NCOR2: variants seen among roughly 807,000 people sequenced by gnomAD.
The protein encoded by NCOR2 is nuclear receptor corepressor 2, also known as CTG repeat protein 26.
In NCOR2, 81 loss-of-function variants were observed where a neutral mutation model predicts 262.9. The observed-to-expected ratio is 0.31, with a 90% confidence interval of 0.26 to 0.37. The LOEUF (loss-of-function observed/expected upper bound fraction) is 0.37. Among genes scored for constraint, NCOR2 ranks in the 10% least tolerant of loss-of-function variants. NCOR2 has a pLI of 1.00. For synonymous variants in NCOR2, 1,659 were observed against 1,559.3 expected, an observed-to-expected ratio of 1.06 and a Z score of -1.51; for missense variants, 3,385 against 3,621.4, an observed-to-expected ratio of 0.93 and a Z score of 1.68.
chr12:124,348,525 T>C, intron 28 of NCOR2: 1 of 612,752 alleles, frequency 1.6e-6, no homozygotes, highest in Non-Finnish European at 2.7e-6. Flanking sequence ...TTCCAGGGGG[T>C]TGCACGGTGG....
In NCOR2 at chr12:124,400,386, T is replaced by C; in HGVS notation, c.1813+115A>G. On this transcript the variant is annotated intron_variant, in intron 15 of 46. Transcript: ENST00000405201. ...CTGGGATTTGACTCCAACCATGACTTACACCAACCCCTTGGCTGTTGCCAA... is the reference window on the plus strand; with the variant it reads ...CTGGGATTTGACTCCAACCATGACTCACACCAACCCCTTGGCTGTTGCCAA... The C allele has an allele frequency of 2.8e-6, 4 of 1,416,818 alleles. No individual in the cohort carries two copies. The South Asian group carries it at 5.2e-5, about 18-fold the overall frequency. The allele number at this position is 1,416,818 out of a possible 1,614,324, so 87.8% of individuals were successfully genotyped here. A position where few individuals can be genotyped will look rare whatever the true frequency, so the allele number is the denominator to read the frequency against.
At chr12:124,431,891 A>T (rs892408907) in intron 8 of NCOR2, among the ~76,000 whole-genome samples, 3 of 151,886 alleles carry the variant, frequency 2.0e-5, no homozygotes, top group African/African-American at 7.3e-5. Flanking sequence ...ACACACATAT[A>T]TACACAGGCA....
chr12:124,559,570 G>A (rs1277880397), intron 1 of NCOR2, among the ~76,000 whole-genome samples: 3 of 152,208 alleles, frequency 2.0e-5, no homozygotes, highest in Non-Finnish European at 4.4e-5. Context: ...GTGCATGAAA[G>A]CATCTTGCAA....
intron 24 of NCOR2, 109 bp downstream of exon 26, chr12:124,355,323 G>A (rs903118865): frequency 9.4e-6 from 13 of 1,376,218 alleles, no homozygotes; most frequent in South Asian, 1.3e-5. Context: ...GAGTGGAGAT[G>A]ACCCAGGCCC....
chr12:124,339,897 A>ACCCCCCCCCCCCC, intron 37 of NCOR2, 109 bp downstream of exon 39: 7 of 176,240 alleles, frequency 4.0e-5, no homozygotes, highest in South Asian at 4.4e-5. Flanking sequence ...ACATCTGCCC[A>ACCCCCCCCCCCCC]CCCACCCACC....
At chr12:124,458,576 C>T (rs2046002622) in intron 5 of NCOR2, among the ~76,000 whole-genome samples, 1 of 152,248 alleles carries the variant, frequency 6.6e-6, no homozygotes, top group Non-Finnish European at 1.5e-5. Context: ...CTCCAAGCAC[C>T]TGCCATGAGC....
chr12:124,470,631 C>T (rs2046785201), intron 4 of NCOR2, among the ~76,000 whole-genome samples: 1 of 152,348 alleles, frequency 6.6e-6, no homozygotes, highest in Non-Finnish European at 1.5e-5. Context: ...ATGTCTAGAA[C>T]AGGTCAGTCC....
At chr12:124,501,620 C>T (rs1181726427) in intron 1 of NCOR2, among the ~76,000 whole-genome samples, 1 of 152,200 alleles carries the variant, frequency 6.6e-6, no homozygotes, top group East Asian at 1.9e-4. Context: ...CTTTCCACTG[C>T]ATCTCCTGTC....
chr12:124,561,114 C>T (rs560660558), intron 1 of NCOR2, among the ~76,000 whole-genome samples: 2 of 152,308 alleles, frequency 1.3e-5, no homozygotes, highest in South Asian at 4.1e-4. Flanking sequence ...CATGAACCTG[C>T]ACAAAGGTTT....
intron 34 of NCOR2, 45 bp from the exon 37 acceptor site, chr12:124,340,796 A>G (rs931247360): frequency 4.1e-6 from 6 of 1,457,172 alleles, no homozygotes; most frequent in Non-Finnish European, 5.4e-6. Flanking sequence ...GGGAGGAGAG[A>G]GGCCAGGCTG....
rs2047601892 is a variant in NCOR2, at chr12:124,483,367, G to A, written c.411+229C>T. Reference sequence around the variant, plus strand: ...CCAGGGCCTTTGCACTTGCTGCTCTGCCCACCTGGAACACCTTCCCCACTT... The same window carrying A: ...CCAGGGCCTTTGCACTTGCTGCTCTACCCACCTGGAACACCTTCCCCACTT... On this transcript the variant is annotated intron_variant, in intron 3 of 46. Coordinates refer to ENST00000405201, the Ensembl canonical transcript of NCOR2. This position sits in a 1 kb window ranked among gnomAD's most constrained non-coding sequence, Gnocchi z 6.3. Among the ~76,000 whole-genome samples the A allele has an allele frequency of 6.6e-6, 1 of 151,916 alleles. No homozygotes were observed. Among genetic ancestry groups the A allele is most frequent in the South Asian group, 2.1e-4 (1 of 4,808 alleles).
chr12:124,333,847 CGGGTGTGCATGTGTGTGT>C (rs1566353166), intron 41 of NCOR2, among the ~76,000 whole-genome samples: 45 of 116,260 alleles, frequency 3.9e-4, no homozygotes, highest in African/African-American at 1.4e-3. Flanking sequence ...CGCCTGTGTG[CGGGTGTGCATGTGTGTGT>C]GCGCATGTGT....
intron 13 of NCOR2, among the ~76,000 whole-genome samples, chr12:124,407,188 GCACACCA>G (rs1338966772): frequency 6.6e-6 from 1 of 152,196 alleles, no homozygotes; most frequent in African/African-American, 2.4e-5. Context: ...CCCCCAAGGG[GCACACCA>G]GCCACAGAAA....
chr12:124,566,977 G>A lies in NCOR2; in HGVS notation c.-165+331C>T, dbSNP rs1269177290. ...ACACCGGGTACAAGGGACGCCTGGC[G>A]GCCAAGTCCCCAGAGCCGGCGCACA... On this transcript the variant is annotated intron_variant, in intron 1 of 32. Transcript: ENST00000458234. The surrounding 1 kb of genome is among the most constrained non-coding windows in gnomAD (Gnocchi z 4.3). Among the ~76,000 whole-genome samples the A allele has an allele frequency of 1.3e-5, 2 of 152,162 alleles. No homozygotes were observed. Among genetic ancestry groups the A allele is most frequent in the East Asian group, 1.9e-4 (1 of 5,164 alleles).
At chr12:124,401,843 C>T (rs1330174592) in intron 14 of NCOR2, among the ~76,000 whole-genome samples, 10 of 152,206 alleles carry the variant, frequency 6.6e-5, no homozygotes, top group Admixed American at 5.2e-4. Context: ...AGGTACCTGG[C>T]GCTAAGTCGT....
At chr12:124,373,193 G>A (rs1447712301) in intron 19 of NCOR2, among the ~76,000 whole-genome samples, 2 of 152,276 alleles carry the variant, frequency 1.3e-5, no homozygotes, top group African/African-American at 2.4e-5. Context: ...TGTAGAATGC[G>A]CTCAGTGTGA....
At chr12:124,496,182 C>T (rs1006082508), upstream of NCOR2, among the ~76,000 whole-genome samples, 1 of 151,908 alleles carries the variant, frequency 6.6e-6, no homozygotes, top group East Asian at 1.9e-4. The surrounding 1 kb of genome is among the most constrained non-coding windows in gnomAD (Gnocchi z 4.4). Context: ...AAGGGAGCCA[C>T]GGGGACCCCT....
intron 30 of NCOR2, chr12:124,347,498 C>T (rs2037035554): frequency 3.0e-6 from 1 of 331,618 alleles, no homozygotes; most frequent in Non-Finnish European, 5.6e-6. Flanking sequence ...CTCCAAGCCT[C>T]TCCCAATCGC....
intron 16 of NCOR2, chr12:124,388,789 C>CGGTCG: frequency 7.7e-7 from 1 of 1,301,844 alleles, no homozygotes; most frequent in Non-Finnish European, 1.0e-6. Context: ...TGGGCGGCCG[C>CGGTCG]GGTCGGCTCT....
Sources: gnomAD v4.1 joint callset for allele counts (sites outside exome capture counted in the v4.1 genomes callset) on GRCh38, gnomAD v4.1.1 for gene constraint, Gnocchi (gnomAD v3.1) non-coding constraint, MANE v1.5 for transcripts, NCBI Gene and HGNC (gene_info 2026-07-23, HGNC 2026-07-21) for gene names.